Variants in HACD4 observed in about 807,000 individuals in gnomAD.
HACD4 encodes 3-hydroxyacyl-CoA dehydratase 4, also known as very-long-chain (3R)-3-hydroxyacyl-CoA dehydratase 4.
In HACD4, 35 loss-of-function variants were observed where a neutral mutation model predicts 33.3. The observed-to-expected ratio is 1.05, with a 90% CI of 0.80 to 1.39. The LOEUF is 1.39. HACD4 is among the 40% of genes most tolerant of loss of function. HACD4 has a pLI of 0.00. For synonymous variants in HACD4, 118 were observed against 98.0 expected (o/e 1.20, Z -1.21); for missense variants, 323 against 276.5 (o/e 1.17, Z -1.19).
In HACD4 at chr9:21,005,454, G is replaced by C. The variant is rs1842247091; in HGVS notation, c.*1583C>G. The C allele has an allele frequency of 6.6e-6, 1 of 152,222 alleles. No individual in the cohort carries two copies. The highest frequency in any genetic ancestry group is 2.4e-5 in the African/African-American group (1 of 41,460). The allele number at this position is 152,222 out of a possible 1,614,324, so 9.4% of individuals were successfully genotyped here. A position where few individuals can be genotyped will look rare whatever the true frequency, so the allele number is the denominator to read the frequency against. On this transcript the variant is annotated 3_prime_UTR_variant, in exon 7 of 7. Coordinates refer to ENST00000495827, the MANE Select transcript of HACD4 (RefSeq NM_001010915.5). This position sits in a 1 kb window ranked among gnomAD's most constrained non-coding sequence, Gnocchi z 4.0. ...ACCACAGACCTAATCAGCCACCCCA[G>C]CAGGAACACTGCTAGTTTGTATTGA...
chr9:21,016,045 A>C, intron 3 of HACD4, 35 bp from the exon 4 acceptor site: 1 of 1,415,032 alleles, frequency 7.1e-7, no homozygotes. Flanking sequence ...AAATTAGGAC[A>C]TCTATTAGGC....
intron 2 of HACD4, 125 bp downstream of exon 2, chr9:21,029,170 C>A: frequency 1.7e-6 from 1 of 598,834 alleles, no homozygotes; most frequent in Admixed American, 3.5e-5. Context: ...AACATGGTTG[C>A]TAAAAAATAC....
intron 4 of HACD4, among the ~76,000 whole-genome samples, chr9:21,014,295 A>G (rs1333548647): frequency 1.3e-5 from 2 of 152,216 alleles, no homozygotes; most frequent in Non-Finnish European, 2.9e-5. Flanking sequence ...ACTCATGGCC[A>G]AACAGTAGAA....
chr9:21,023,885 T>C (rs544050027), intron 3 of HACD4, among the ~76,000 whole-genome samples: 1 of 152,162 alleles, frequency 6.6e-6, no homozygotes, highest in African/African-American at 2.4e-5. Context: ...CACTTAACTA[T>C]CTCTTGAAGG....
At position 21,004,040 on chromosome 9, in the gene HACD4, C is replaced by G. The variant is rs1160051606; in HGVS notation, c.*2997G>C. 1 of 152,220 alleles carries G rather than the reference C, an allele frequency of 6.6e-6. No individual in the cohort carries two copies. Among genetic ancestry groups the G allele is most frequent in the African/African-American group, 2.4e-5 (1 of 41,456 alleles). 9.4% of individuals were successfully genotyped at this position (152,220 alleles called of 1,614,324 possible). A position where few individuals can be genotyped will look rare whatever the true frequency, so the allele number is the denominator to read the frequency against. On this transcript the variant is annotated 3_prime_UTR_variant, in exon 7 of 7. Coordinates refer to ENST00000495827, the MANE Select transcript of HACD4 (RefSeq NM_001010915.5). The surrounding 1 kb of genome is among the most constrained non-coding windows in gnomAD (Gnocchi z 4.6). Reference sequence around the variant, plus strand: ...TTCTCTTTTGAGATAGAGTCTCACTCTGTCACCCAGGCTGGAGTGCAGTGG... The same window carrying G: ...TTCTCTTTTGAGATAGAGTCTCACTGTGTCACCCAGGCTGGAGTGCAGTGG...
intron 3 of HACD4, among the ~76,000 whole-genome samples, chr9:21,020,342 C>T (rs1817875893): frequency 6.6e-6 from 1 of 151,942 alleles, no homozygotes; most frequent in Non-Finnish European, 1.5e-5. Context: ...TAAGGGTTTC[C>T]TATAGGGGAT....
At chr9:21,008,304 C>A (rs148668116) in intron 5 of HACD4, among the ~76,000 whole-genome samples, 158 bp from the exon 6 acceptor site, 7 of 152,242 alleles carry the variant, frequency 4.6e-5, no homozygotes, top group African/African-American at 1.4e-4. Context: ...ATATAGAAAT[C>A]TGTGAAATGA....
At chr9:21,007,481 G>A (rs1388911625) in intron 6 of HACD4, among the ~76,000 whole-genome samples, 1 of 152,074 alleles carries the variant, frequency 6.6e-6, no homozygotes, top group African/African-American at 2.4e-5. Flanking sequence ...GGTTAGAGCT[G>A]GGAAAACAAA....
chr9:21,018,325 C>T (rs1352782111), intron 3 of HACD4, among the ~76,000 whole-genome samples: 2 of 152,072 alleles, frequency 1.3e-5, no homozygotes, highest in African/African-American at 4.8e-5. Flanking sequence ...TGCATTTTAC[C>T]AACTGAAAGT....
intron 2 of HACD4, 29 bp downstream of exon 2, chr9:21,029,266 A>C: frequency 1.5e-6 from 2 of 1,304,656 alleles, no homozygotes; most frequent in Non-Finnish European, 2.2e-6. Flanking sequence ...TTAAAAGTTA[A>C]AAATAAAAAA....
intron 3 of HACD4, among the ~76,000 whole-genome samples, chr9:21,020,431 T>C (rs1237883808): frequency 6.6e-6 from 1 of 152,140 alleles, no homozygotes; most frequent in African/African-American, 2.4e-5. Context: ...TAAAGCAGCA[T>C]GAATAAAAAT....
chr9:21,029,564 G>GCCAT, intron 1 of HACD4, among the ~76,000 whole-genome samples, 166 bp from the exon 2 acceptor site: 1 of 152,296 alleles, frequency 6.6e-6, no homozygotes, highest in East Asian at 1.9e-4. Context: ...TTTGAAGGGA[G>GCCAT]CCATAACCTA....
chr9:21,005,381 C>CT lies in HACD4; in HGVS notation c.*1655dup, dbSNP rs1842245030. 1 of 152,178 alleles carries CT rather than the reference C, an allele frequency of 6.6e-6. No homozygotes were observed. The highest frequency in any genetic ancestry group is 2.4e-5 in the African/African-American group (1 of 41,446). 9.4% of individuals were successfully genotyped at this position (152,178 alleles called of 1,614,324 possible). The stretch of plus-strand genomic sequence containing the variant: ...AAGAAAACACGTTTGGTAGAGAACA[C>CT]TAAGAGTGTAGCAGACAAGTCATCC... On this transcript the variant is annotated 3_prime_UTR_variant, in exon 7 of 7. Coordinates refer to ENST00000495827, the MANE Select transcript of HACD4 (RefSeq NM_001010915.5). The surrounding 1 kb of genome is among the most constrained non-coding windows in gnomAD (Gnocchi z 4.0).
chr9:21,014,325 A>G (rs1842507104), intron 4 of HACD4, among the ~76,000 whole-genome samples: 1 of 152,240 alleles, frequency 6.6e-6, no homozygotes, highest in Admixed American at 6.5e-5. Context: ...ATGTCCATCA[A>G]CTGATAAGTG....
intron 4 of HACD4, among the ~76,000 whole-genome samples, chr9:21,011,904 T>C (rs181734385): frequency 2.3e-4 from 35 of 152,300 alleles, no homozygotes; most frequent in Admixed American, 6.5e-4. Flanking sequence ...CATTAATAAT[T>C]ATAAAGCTAA....
At chr9:21,016,405 C>T (rs970530778) in intron 3 of HACD4, among the ~76,000 whole-genome samples, 3 of 152,180 alleles carry the variant, frequency 2.0e-5, no homozygotes, top group African/African-American at 7.2e-5. Context: ...CAATAGCCAG[C>T]ACAGTGTGTG....
chr9:21,002,838 C>T lies in HACD4; in HGVS notation c.*4199G>A, dbSNP rs1218443754. The T allele has an allele frequency of 6.6e-6, 1 of 152,026 alleles. No homozygotes were observed. Among genetic ancestry groups the T allele is most frequent in the Non-Finnish European group, 1.5e-5 (1 of 67,958 alleles). The allele number at this position is 152,026 out of a possible 1,614,324, so 9.4% of individuals were successfully genotyped here. ...AAAGTAAGCCTTTGTCTACACTGTA[C>T]AAAATGAAATAGGGATTTGGTGAAC... On this transcript the variant is annotated 3_prime_UTR_variant, in exon 7 of 7. Coordinates refer to ENST00000495827, the MANE Select transcript of HACD4 (RefSeq NM_001010915.5).
chr9:21,007,165 T>C (rs1842291948), intron 6 of HACD4, 46 bp from the exon 7 acceptor site: 1 of 974,730 alleles, frequency 1.0e-6, no homozygotes, highest in Admixed American at 1.7e-5. Flanking sequence ...GTTAACTATT[T>C]CTCTGGAAGA....
At position 21,007,130 on chromosome 9, in the gene HACD4, G is replaced by T. The variant is rs201070156; in HGVS notation, c.617-11C>A. 10 of 1,359,340 alleles carry T rather than the reference G, an allele frequency of 7.4e-6. No individual in the cohort carries two copies. The highest frequency in any genetic ancestry group is 1.1e-5 in the Non-Finnish European group (10 of 948,738). The allele number at this position is 1,359,340 out of a possible 1,614,324, so 84.2% of individuals were successfully genotyped here. A position where few individuals can be genotyped will look rare whatever the true frequency, so the allele number is the denominator to read the frequency against. On this transcript the variant is annotated splice_polypyrimidine_tract_variant and intron_variant, in intron 6 of 6. Coordinates refer to ENST00000495827, the MANE Select transcript of HACD4 (RefSeq NM_001010915.5). Reference sequence around the variant, plus strand: ...AGGTAAAATACATACCTAATATGGAGAAAGAAGTTGCAAAAGTAAGTAAGG... The same window carrying T: ...AGGTAAAATACATACCTAATATGGATAAAGAAGTTGCAAAAGTAAGTAAGG...
Sources: gnomAD v4.1 joint callset for allele counts (sites outside exome capture counted in the v4.1 genomes callset) on GRCh38, gnomAD v4.1.1 for gene constraint, Gnocchi (gnomAD v3.1) non-coding constraint, MANE v1.5 for transcripts, NCBI Gene and HGNC (gene_info 2026-07-23, HGNC 2026-07-21) for gene names.